CCDC116: variants seen among roughly 807,000 people sequenced by gnomAD.
CCDC116 encodes coiled-coil domain containing 116.
CCDC116 carries 24 observed loss-of-function variants against 29.4 expected under a neutral mutation model. That is an observed-to-expected ratio of 0.82 (90% CI 0.59 to 1.15). The LOEUF (loss-of-function observed/expected upper bound fraction) is 1.15. Among genes scored for constraint, CCDC116 ranks in the 50% most tolerant of loss-of-function variants. The pLI, the probability that CCDC116 is intolerant of heterozygous loss-of-function variation, is 0.00. For missense variants in CCDC116, 791 were observed against 804.0 expected (o/e 0.98, Z 0.20); for synonymous variants, 298 against 331.4 (o/e 0.90, Z 1.10).
Position 21,634,471 on chromosome 22 carries a change from G to T in CCDC116, c.522G>T (p.Arg174=), listed in dbSNP as rs148913293. 3 of 1,614,070 alleles carry T rather than the reference G, an allele frequency of 1.9e-6. No individual in the cohort carries two copies. Among genetic ancestry groups the T allele is most frequent in the Non-Finnish European group, 2.5e-6 (3 of 1,180,054 alleles). Residue 174 remains arginine (R), a synonymous_variant, in exon 3 of 5, where the codon CGG becomes CGT. Coordinates refer to ENST00000292779, the MANE Select transcript of CCDC116 (RefSeq NM_152612.3). The stretch of plus-strand genomic sequence containing the variant: ...CCGGCTGTCTGGGCTCCCACAGCCG[G>T]GACAGTGACCTAGGTGCCCAAGGCT... The part of the protein sequence containing the change: ...LMAGCLGSHS[R]DSDLGAQGSL...
At position 21,636,955 on chromosome 22, in the gene CCDC116, C is replaced by A; in HGVS notation, c.1727C>A (p.Pro576His). ...SACTGMGSSP[P>H]KSKDMDNEGR... is the part of the protein sequence containing the mutation. ...TGCACCGGCATGGGTTCCAGTCCCC[C>A]CAAGTCCAAGGACATGGACAATGAG... The change falls in exon 5 of 5, where the codon CCC (proline) becomes CAC (histidine). Residue 576 changes from proline to histidine, a missense_variant. Physicochemically the swap from Pro to His is moderately conservative, Grantham distance 77 (BLOSUM62 -2). Transcript: ENST00000292779. The A allele has an allele frequency of 6.2e-7, 1 of 1,613,850 alleles. No individual in the cohort carries two copies. Among genetic ancestry groups the A allele is most frequent in the Non-Finnish European group, 8.5e-7 (1 of 1,180,038 alleles).
In CCDC116 at chr22:21,636,946, C is replaced by T. The variant is rs868759908; in HGVS notation, c.1718C>T (p.Ser573Phe). The change falls in exon 5 of 5, where the codon TCC becomes TTC. Residue 573 changes from serine (S) to phenylalanine (F), a missense_variant. Transcript: ENST00000292779. ...LYMSACTGMGSSPPKSKDMDN... is the reference protein window; with the variant it reads ...LYMSACTGMGFSPPKSKDMDN... ...ATGTCTGCCTGCACCGGCATGGGTT[C>T]CAGTCCCCCCAAGTCCAAGGACATG... 6.2e-7 allele frequency: 1 copy of T among 1,613,856 alleles called. No individual in the cohort carries two copies. Among genetic ancestry groups the T allele is most frequent in the Non-Finnish European group, 8.5e-7 (1 of 1,180,044 alleles).
rs1411774643 is a variant in CCDC116, at chr22:21,634,280, G to A, written c.331G>A (p.Val111Met). ...GGAGGCTGGGGTGCCGCTTGTGGAG[G>A]TGCAGGACCCAGTGGAGGTGCCAAG... The part of the protein sequence containing the change: ...KTEAGVPLVE[V>M]QDPVEVPSGG... Residue 111 changes from valine (V) to methionine (M), a missense_variant, in exon 3 of 5, where the codon GTG (valine) becomes ATG (methionine). By Grantham distance (21) the Val-to-Met change is conservative (BLOSUM62 1). Transcript: ENST00000292779. 1 of 1,613,660 alleles carries A rather than the reference G, an allele frequency of 6.2e-7. No individual in the cohort carries two copies. Among genetic ancestry groups the A allele is most frequent in the Non-Finnish European group, 8.5e-7 (1 of 1,180,002 alleles).
Position 21,634,065 on chromosome 22 carries a change from C to T in CCDC116, c.116C>T (p.Ala39Val). ...KKPLVPEMRP[A>V]CKPGRVPHPP... Reference sequence around the variant, plus strand: ...CCACTGGTCCCAGAAATGCGGCCAGCCTGCAAGCCGGGCCGTGTGCCACAC... The same window carrying T: ...CCACTGGTCCCAGAAATGCGGCCAGTCTGCAAGCCGGGCCGTGTGCCACAC... Residue 39 changes from alanine to valine, a missense_variant, in exon 3 of 5, where the codon GCC becomes GTC. Coordinates refer to ENST00000292779, the MANE Select transcript of CCDC116 (RefSeq NM_152612.3). The T allele has an allele frequency of 6.2e-7, 1 of 1,613,050 alleles. No individual in the cohort carries two copies.
chr22:21,636,468 C>T lies in CCDC116; in HGVS notation c.1240C>T (p.Pro414Ser). Residue 414 changes from proline to serine, a missense_variant, in exon 5 of 5, where the codon CCG (proline) becomes TCG (serine). By Grantham distance (74) the Pro-to-Ser change is moderately conservative. Coordinates refer to ENST00000292779, the MANE Select transcript of CCDC116 (RefSeq NM_152612.3). ...CSSSRFTKKK[P>S]LPSISSKSSM... The stretch of plus-strand genomic sequence containing the variant: ...CAGCAGCAGGTTCACGAAGAAGAAG[C>T]CGCTGCCCTCCATCTCGTCGAAGTC... 1 of 1,613,734 alleles carries T rather than the reference C, an allele frequency of 6.2e-7. No homozygotes were observed. Among genetic ancestry groups the T allele is most frequent in the East Asian group, 2.2e-5 (1 of 44,874 alleles).
Position 21,632,812 on chromosome 22 carries a change from C to T in CCDC116, c.-78C>T, listed in dbSNP as rs1016803662. ...GCAGACTGTACTGGCCTGTGCGGAG[C>T]AAGGCGGTGTTTCTGGTGAGTCTGT... On this transcript the variant is annotated 5_prime_UTR_variant, in exon 1 of 5. Transcript: ENST00000292779. 1 of 414,178 alleles carries T rather than the reference C, an allele frequency of 2.4e-6. No individual in the cohort carries two copies. Among genetic ancestry groups the T allele is most frequent in the Non-Finnish European group, 4.6e-6 (1 of 215,600 alleles). 25.7% of individuals were successfully genotyped at this position (414,178 alleles called of 1,614,324 possible). A position where few individuals can be genotyped will look rare whatever the true frequency, so the allele number is the denominator to read the frequency against.
chr22:21,635,357 C>T, intron 4 of CCDC116, 91 bp downstream of exon 4: 1 of 1,109,276 alleles, frequency 9.0e-7, no homozygotes, highest in Non-Finnish European at 1.3e-6. Context: ...ACAAAACCCA[C>T]CTGTTTCCCT....
chr22:21,633,305 C>A, intron 2 of CCDC116, 52 bp downstream of exon 2: 1 of 1,407,064 alleles, frequency 7.1e-7, no homozygotes, highest in Non-Finnish European at 9.7e-7. Flanking sequence ...ATGTTCCCCA[C>A]CAACCCTGGC....
chr22:21,634,158 T>G lies in CCDC116; in HGVS notation c.209T>G (p.Phe70Cys). The change falls in exon 3 of 5, where the codon TTT becomes TGT. Residue 70 changes from phenylalanine (F) to cysteine (C), a missense_variant. Transcript: ENST00000292779. Reference protein sequence around the residue: ...QRRNKRHPQPFGHFLDFLTES... With the variant: ...QRRNKRHPQPCGHFLDFLTES... The stretch of plus-strand genomic sequence containing the variant: ...CGAAACAAGAGGCACCCTCAGCCCT[T>G]TGGCCACTTTCTGGATTTCCTAACT... The G allele has an allele frequency of 6.2e-7, 1 of 1,614,224 alleles. No homozygotes were observed. Among genetic ancestry groups the G allele is most frequent in the Non-Finnish European group, 8.5e-7 (1 of 1,180,034 alleles).
At chr22:21,632,987 G>C (rs1461238935) in intron 1 of CCDC116, 133 bp from the exon 2 acceptor site, 1 of 708,678 alleles carries the variant, frequency 1.4e-6, no homozygotes, top group East Asian at 2.7e-5. Flanking sequence ...CAGACGCATG[G>C]GGGCCATGGA....
In CCDC116 at chr22:21,634,860, T is replaced by C; in HGVS notation, c.797T>C (p.Ile266Thr). 1.2e-6 allele frequency: 2 copies of C among 1,613,956 alleles called. No individual in the cohort carries two copies. Among genetic ancestry groups the C allele is most frequent in the South Asian group, 2.2e-5 (2 of 91,080 alleles). The change falls in exon 4 of 5, where the codon ATC becomes ACC. Residue 266 changes from isoleucine to threonine, a missense_variant. Coordinates refer to ENST00000292779, the MANE Select transcript of CCDC116 (RefSeq NM_152612.3). ...SEPRPGEQEP[I>T]FRKREFNKEI... ...CCGAGGCCTGGAGAACAGGAGCCAA[T>C]CTTCCGCAAGCGAGAGTTCAATAAG...
Position 21,636,689 on chromosome 22 carries a change from C to T in CCDC116, c.1461C>T (p.Ile487=), listed in dbSNP as rs1930817380. The T allele has an allele frequency of 6.2e-7, 1 of 1,613,686 alleles. No individual in the cohort carries two copies. Among genetic ancestry groups the T allele is most frequent in the African/African-American group, 1.3e-5 (1 of 74,894 alleles). Residue 487 remains isoleucine, a synonymous_variant, in exon 5 of 5, where the codon ATC becomes ATT. Transcript: ENST00000292779. The stretch of plus-strand genomic sequence containing the variant: ...TAAAGAAGGTAAAAGGCTCCCGCAT[C>T]CACCTGTCCTCGGAGACCCACCGGA... The part of the protein sequence containing the change: ...LGLKKVKGSR[I]HLSSETHRSC...
At position 21,636,701 on chromosome 22, in the gene CCDC116, G is replaced by A. The variant is rs537784294; in HGVS notation, c.1473G>A (p.Ser491=). ...KVKGSRIHLS[S]ETHRSCLLRK... Reference sequence around the variant, plus strand: ...AAGGCTCCCGCATCCACCTGTCCTCGGAGACCCACCGGAGCTGCCTGCTGC... The same window carrying A: ...AAGGCTCCCGCATCCACCTGTCCTCAGAGACCCACCGGAGCTGCCTGCTGC... Residue 491 remains serine, a synonymous_variant, in exon 5 of 5, where the codon TCG becomes TCA. Coordinates refer to ENST00000292779, the MANE Select transcript of CCDC116 (RefSeq NM_152612.3). 11 of 1,613,474 alleles carry A rather than the reference G, an allele frequency of 6.8e-6. No homozygotes were observed. The highest frequency in any genetic ancestry group is 1.6e-4 in the Middle Eastern group (1 of 6,084).
chr22:21,635,556 C>A, intron 4 of CCDC116: 1 of 703,090 alleles, frequency 1.4e-6, no homozygotes, highest in East Asian at 2.7e-5. Flanking sequence ...TCTTCATCTC[C>A]CGCCTCACTG....
Position 21,634,691 on chromosome 22 carries a change from C to T in CCDC116, c.628C>T (p.Leu210Phe), listed in dbSNP as rs1282373129. ...LLQLEREGKG[L>F]SQSCSQRDSL... ...AGTCACCCTCTTTCTGCAGAAAGGC[C>T]TCAGTCAGTCCTGCTCCCAGAGGGA... Residue 210 changes from leucine to phenylalanine, a missense_variant, in exon 4 of 5, where the codon CTC becomes TTC. By Grantham distance (22) the Leu-to-Phe change is conservative. Coordinates refer to ENST00000292779, the MANE Select transcript of CCDC116 (RefSeq NM_152612.3). 1 of 1,599,520 alleles carries T rather than the reference C, an allele frequency of 6.3e-7. No homozygotes were observed. The highest frequency in any genetic ancestry group is 1.1e-5 in the South Asian group (1 of 89,776).
chr22:21,635,269 G>A lies in CCDC116; in HGVS notation c.1203+3G>A. The A allele has an allele frequency of 6.3e-7, 1 of 1,596,462 alleles. No homozygotes were observed. The highest frequency in any genetic ancestry group is 8.5e-7 in the Non-Finnish European group (1 of 1,178,238). ...TGGCCACCAGATTCAAACTCAAGGT[G>A]ACACCCACGGAGAAGCCCAATGTCC... On this transcript the variant is annotated splice_donor_region_variant and intron_variant, in intron 4 of 4. Coordinates refer to ENST00000292779, the MANE Select transcript of CCDC116 (RefSeq NM_152612.3).
Position 21,634,589 on chromosome 22 carries a change from G to T in CCDC116, c.621+19G>T. On this transcript the variant is annotated intron_variant, in intron 3 of 4. Transcript: ENST00000292779. ...GGAAGGGGTGAGAGCCAGGGCCATG[G>T]CTGGGTGGGGTGGACTCCCATGGAG... 1.3e-6 allele frequency: 2 copies of T among 1,580,660 alleles called. No homozygotes were observed. The highest frequency in any genetic ancestry group is 1.7e-6 in the Non-Finnish European group (2 of 1,160,656).
In CCDC116 at chr22:21,634,540, C is replaced by G. The variant is rs1237128853; in HGVS notation, c.591C>G (p.Leu197=). 1.9e-6 allele frequency: 3 copies of G among 1,608,102 alleles called. No individual in the cohort carries two copies. The highest frequency in any genetic ancestry group is 1.7e-6 in the Non-Finnish European group (2 of 1,175,712). The change falls in exon 3 of 5, where the codon CTC becomes CTG. Residue 197 remains leucine (L), a synonymous_variant. Transcript: ENST00000292779. ...ACAAACTCCTGCTGGAGAAGAACCTCAAGCGGCTGCTACAGCTGGAGAGGG... is the reference window on the plus strand; with the variant it reads ...ACAAACTCCTGCTGGAGAAGAACCTGAAGCGGCTGCTACAGCTGGAGAGGG... The part of the protein sequence containing the change: ...VRDKLLLEKN[L]KRLLQLEREG...
chr22:21,635,499 A>G, intron 4 of CCDC116: 1 of 700,126 alleles, frequency 1.4e-6, no homozygotes, highest in Non-Finnish European at 2.6e-6. Flanking sequence ...TCCTCCCCCT[A>G]CCCCCGCTCT....
Sources: gnomAD v4.1 joint callset for allele counts on GRCh38, gnomAD v4.1.1 for gene constraint, MANE v1.5 for transcripts, NCBI Gene and HGNC (gene_info 2026-07-23, HGNC 2026-07-21) for gene names.